ERBB4: variants seen among roughly 807,000 people sequenced by gnomAD.
The protein encoded by ERBB4 is erb-b2 receptor tyrosine kinase 4, also known as receptor tyrosine-protein kinase erbB-4.
In ERBB4, 42 loss-of-function variants were observed where a neutral mutation model predicts 158.0. That is an observed-to-expected ratio of 0.27 (90% CI 0.21 to 0.34). The LOEUF (loss-of-function observed/expected upper bound fraction) is 0.34. Ranked by LOEUF, ERBB4 falls within the 10% of genes least tolerant of loss-of-function variation. The pLI is 1.00. For missense variants in ERBB4, 1,333 were observed against 1,624.1 expected, an observed-to-expected ratio of 0.82 and a Z score of 3.08; for synonymous variants, 583 against 558.7, an observed-to-expected ratio of 1.04 and a Z score of -0.61.
chr2:211,846,236 A>T (rs1485411124), intron 3 of ERBB4, among the ~76,000 whole-genome samples: 1 of 152,096 alleles, frequency 6.6e-6, no homozygotes, highest in Admixed American at 6.6e-5. Context: ...GCAGCTGCCC[A>T]GCTTCTTAAG....
intron 2 of ERBB4, among the ~76,000 whole-genome samples, chr2:212,049,982 G>T (rs576998619): frequency 6.6e-6 from 1 of 152,052 alleles, no homozygotes; most frequent in South Asian, 2.1e-4. Context: ...TTAGGTAAAA[G>T]GTTGGAAAAA....
At chr2:212,350,596 C>A (rs542052563) in intron 1 of ERBB4, among the ~76,000 whole-genome samples, 1 of 152,170 alleles carries the variant, frequency 6.6e-6, no homozygotes, top group Non-Finnish European at 1.5e-5. Flanking sequence ...GACATTTTCC[C>A]TATTAATATT....
chr2:211,683,092 T>C (rs144368955), intron 12 of ERBB4, among the ~76,000 whole-genome samples: 290 of 151,512 alleles, frequency 1.9e-3, no homozygotes, highest in African/African-American at 6.2e-3. Flanking sequence ...GTTTATAATA[T>C]AAATATTTTA....
At chr2:211,391,310 T>A (rs552441952) in intron 25 of ERBB4, among the ~76,000 whole-genome samples, 1 of 152,256 alleles carries the variant, frequency 6.6e-6, no homozygotes, top group East Asian at 1.9e-4. Context: ...TGAGCTGGAG[T>A]GACCTTAAAG....
At chr2:212,515,142 G>A (rs1394360586) in intron 1 of ERBB4, among the ~76,000 whole-genome samples, 1 of 152,184 alleles carries the variant, frequency 6.6e-6, no homozygotes, top group African/African-American at 2.4e-5. Flanking sequence ...TTGGTTATGT[G>A]TGCATATGGC....
intron 2 of ERBB4, among the ~76,000 whole-genome samples, chr2:212,070,994 G>A (rs2078098982): frequency 6.6e-6 from 1 of 151,688 alleles, no homozygotes; most frequent in South Asian, 2.1e-4. Context: ...TTGATTAAAT[G>A]ATAGACAAAG....
chr2:212,232,231 A>G (rs1384706117), intron 1 of ERBB4, among the ~76,000 whole-genome samples: 1 of 152,196 alleles, frequency 6.6e-6, no homozygotes, highest in Non-Finnish European at 1.5e-5. Context: ...TATGAAGACT[A>G]CATAAGTGTT....
At chr2:211,575,462 G>T (rs941708581) in intron 19 of ERBB4, among the ~76,000 whole-genome samples, 10 of 152,118 alleles carry the variant, frequency 6.6e-5, no homozygotes, top group African/African-American at 2.4e-4. Context: ...CAATATTTTT[G>T]AAACTTAAAT....
intron 1 of ERBB4, among the ~76,000 whole-genome samples, chr2:212,309,062 G>A (rs887973021): frequency 2.0e-5 from 3 of 150,852 alleles, no homozygotes; most frequent in African/African-American, 7.3e-5. Context: ...AATTTAGAAT[G>A]AGCATCACAG....
At position 211,624,320 on chromosome 2, in the gene ERBB4, C is replaced by T. The variant is rs183488785; in HGVS notation, c.2080-276G>A. On this transcript the variant is annotated intron_variant, in intron 17 of 27. Transcript: ENST00000342788. ...ACCTACCTTGAGGCATACTAGGCTA[C>T]GAGATTTGATGCATTAAAGAAGGAA... 5.4e-4 allele frequency among the ~76,000 whole-genome samples: 82 copies of T among 152,038 alleles called. 1 individual carries two copies. The highest frequency in any genetic ancestry group is 1.1e-3 in the Non-Finnish European group (77 of 67,992).
At chr2:211,430,566 G>A (rs1176670343) in intron 21 of ERBB4, among the ~76,000 whole-genome samples, 1 of 152,114 alleles carries the variant, frequency 6.6e-6, no homozygotes, top group Non-Finnish European at 1.5e-5. Context: ...AAGAGTTAGT[G>A]CTACGGTCTT....
chr2:212,498,565 T>C (rs187034626), intron 1 of ERBB4, among the ~76,000 whole-genome samples: 1 of 152,212 alleles, frequency 6.6e-6, no homozygotes, highest in East Asian at 1.9e-4. Context: ...GGACAGGATT[T>C]TCATCATGAT....
chr2:212,357,321 A>G (rs1340583685), intron 1 of ERBB4, among the ~76,000 whole-genome samples: 1 of 151,894 alleles, frequency 6.6e-6, no homozygotes, highest in Non-Finnish European at 1.5e-5. Flanking sequence ...AAGATAAATT[A>G]GTCCAATTTA....
chr2:212,509,583 T>A (rs1415323677), intron 1 of ERBB4, among the ~76,000 whole-genome samples: 3 of 152,036 alleles, frequency 2.0e-5, no homozygotes, highest in Admixed American at 1.3e-4. Context: ...TTTAAATAAG[T>A]TTATGTTCCA....
chr2:212,364,703 G>T (rs570716466), intron 1 of ERBB4, among the ~76,000 whole-genome samples: 1 of 151,858 alleles, frequency 6.6e-6, no homozygotes, highest in South Asian at 2.1e-4. Flanking sequence ...ATTTGTGGTG[G>T]CAGATTAAGC....
chr2:212,258,018 G>C (rs2084803278), intron 1 of ERBB4, among the ~76,000 whole-genome samples: 1 of 151,984 alleles, frequency 6.6e-6, no homozygotes, highest in South Asian at 2.1e-4. Flanking sequence ...AAGTATTTTA[G>C]CATTTATAAT....
intron 1 of ERBB4, among the ~76,000 whole-genome samples, chr2:212,385,316 G>C (rs928396223): frequency 1.3e-5 from 2 of 151,740 alleles, no homozygotes; most frequent in African/African-American, 2.4e-5. Flanking sequence ...CAAATATATG[G>C]AATATAGTGC....
At chr2:211,445,172 C>CTTGA (rs766669369) in intron 20 of ERBB4, among the ~76,000 whole-genome samples, 70 of 152,004 alleles carry the variant, frequency 4.6e-4, no homozygotes, top group Non-Finnish European at 8.4e-4. Flanking sequence ...TACTAAAAGC[C>CTTGA]TTGATAAAAC....
At chr2:211,625,667 C>G (rs1247085660) in intron 17 of ERBB4, among the ~76,000 whole-genome samples, 1 of 152,082 alleles carries the variant, frequency 6.6e-6, no homozygotes, top group Non-Finnish European at 1.5e-5. Flanking sequence ...CAACTGAGTT[C>G]CCTTCATTTG....
Sources: allele counts gnomAD v4.1 joint callset (sites outside exome capture counted in the v4.1 genomes callset), GRCh38; gene constraint gnomAD v4.1.1; transcripts MANE v1.5; gene names NCBI Gene and HGNC (gene_info 2026-07-23, HGNC 2026-07-21).